The following SLC44A5 variants were observed in gnomAD, a reference collection of about 807,000 sequenced individuals.
SLC44A5 encodes choline transporter-like protein 5.
In SLC44A5, 57 loss-of-function variants were observed where a neutral mutation model predicts 101.8. The observed-to-expected ratio is 0.56, with a 90% CI of 0.45 to 0.70. The LOEUF (loss-of-function observed/expected upper bound fraction) is 0.70. Among genes scored for constraint, SLC44A5 ranks in the 30% least tolerant of loss-of-function variants. The pLI, the probability that SLC44A5 is intolerant of heterozygous loss-of-function variation, is 0.00. For missense variants in SLC44A5, 737 were observed against 853.1 expected, an observed-to-expected ratio of 0.86 and a Z score of 1.70; for synonymous variants, 281 against 290.9, an observed-to-expected ratio of 0.97 and a Z score of 0.35.
intron 5 of SLC44A5, among the ~76,000 whole-genome samples, chr1:75,276,618 G>GA (rs1651943909): frequency 6.6e-6 from 1 of 152,120 alleles, no homozygotes; most frequent in Non-Finnish European, 1.5e-5. Flanking sequence ...GAATATAAAA[G>GA]AAGATAATGA....
At chr1:75,619,176 G>T in the SLC44A5 span, among the ~76,000 whole-genome samples, 1 of 150,046 alleles carries the variant, frequency 6.7e-6, no homozygotes, top group Non-Finnish European at 1.5e-5. Context: ...GAGACAGGGA[G>T]GATGGAAGGA....
chr1:75,253,909 T>A (rs932538883), intron 6 of SLC44A5, among the ~76,000 whole-genome samples: 2 of 152,156 alleles, frequency 1.3e-5, no homozygotes, highest in African/African-American at 4.8e-5. Flanking sequence ...ATGAGACCAA[T>A]TCCATAATGT....
intron 1 of SLC44A5, among the ~76,000 whole-genome samples, chr1:75,597,848 T>A (rs1310394820): frequency 6.6e-6 from 1 of 152,010 alleles, no homozygotes; most frequent in Non-Finnish European, 1.5e-5. Context: ...AGAAAGACAA[T>A]GAGGGCATTA....
At chr1:75,452,684 C>A (rs1665970702) in intron 2 of SLC44A5, among the ~76,000 whole-genome samples, 2 of 152,038 alleles carry the variant, frequency 1.3e-5, no homozygotes, top group African/African-American at 4.8e-5. Flanking sequence ...CCCATAGGCT[C>A]TAAGTAAAGG....
At chr1:75,496,641 T>A (rs1570450477) in intron 2 of SLC44A5, among the ~76,000 whole-genome samples, 1 of 147,156 alleles carries the variant, frequency 6.8e-6, no homozygotes, top group Non-Finnish European at 1.5e-5. Flanking sequence ...TGGGACTACA[T>A]CATGCTAAAA....
chr1:75,302,176 A>G (rs1303013379), intron 4 of SLC44A5, among the ~76,000 whole-genome samples: 1 of 111,940 alleles, frequency 8.9e-6, no homozygotes, highest in Non-Finnish European at 1.6e-5. Flanking sequence ...CTTGGGTGTG[A>G]GCAGGGTATC....
chr1:75,289,462 G>A (rs886943430), intron 5 of SLC44A5, among the ~76,000 whole-genome samples: 8 of 152,100 alleles, frequency 5.3e-5, no homozygotes, highest in Non-Finnish European at 1.5e-5. Flanking sequence ...GGTACTATTT[G>A]GTCCATCAAG....
At chr1:75,496,331 G>T (rs1315449179) in intron 2 of SLC44A5, among the ~76,000 whole-genome samples, 1 of 151,976 alleles carries the variant, frequency 6.6e-6, no homozygotes, top group African/African-American at 2.4e-5. Context: ...AATTGACAAG[G>T]GTACCAAGAA....
rs867845339 is a variant in SLC44A5 at position 75,323,303 on chromosome 1, G to A, written c.101+16279C>T. Among the ~76,000 whole-genome samples, 191 of 151,960 alleles carry A rather than the reference G, an allele frequency of 1.3e-3. No individual in the cohort carries two copies. The Middle Eastern group carries it at 0.037, about 30-fold the overall frequency. On this transcript the variant is annotated intron_variant, in intron 4 of 23. Coordinates refer to ENST00000370859, the MANE Select transcript of SLC44A5 (RefSeq NM_001130058.2). Reference sequence around the variant, plus strand: ...TTTTTATGGCTGCATAGTGTTCCATGGTGTATATGTGCCACATTTTCTTAA... The same window carrying A: ...TTTTTATGGCTGCATAGTGTTCCATAGTGTATATGTGCCACATTTTCTTAA...
chr1:75,562,682 T>G (rs564835979), intron 1 of SLC44A5, among the ~76,000 whole-genome samples: 1 of 151,634 alleles, frequency 6.6e-6, no homozygotes, highest in African/African-American at 2.4e-5. Context: ...GTGAGACGAC[T>G]CTGTCACAAA....
At chr1:75,451,358 T>A (rs1665898664) in intron 2 of SLC44A5, among the ~76,000 whole-genome samples, 1 of 152,152 alleles carries the variant, frequency 6.6e-6, no homozygotes, top group Non-Finnish European at 1.5e-5. Context: ...TATGGGCTTG[T>A]AGGTTGAACT....
chr1:75,295,074 A>T (rs1405799146), intron 5 of SLC44A5, among the ~76,000 whole-genome samples: 1 of 152,226 alleles, frequency 6.6e-6, no homozygotes, highest in Non-Finnish European at 1.5e-5. Flanking sequence ...ACGTGAGGTG[A>T]TATATCTGTT....
At chr1:75,537,332 G>A (rs940627767) in intron 2 of SLC44A5, among the ~76,000 whole-genome samples, 4 of 152,088 alleles carry the variant, frequency 2.6e-5, no homozygotes, top group Admixed American at 2.0e-4. Context: ...TCCCTCATCA[G>A]TTGAATAATA....
chr1:75,321,925 A>T (rs1656181187), intron 4 of SLC44A5, among the ~76,000 whole-genome samples: 1 of 152,188 alleles, frequency 6.6e-6, no homozygotes, highest in Admixed American at 6.5e-5. Flanking sequence ...GAATCCATTG[A>T]TGAACTTCCA....
chr1:75,205,569 C>T (rs1341924143), intron 23 of SLC44A5: 1 of 152,168 alleles, frequency 6.6e-6, no homozygotes, highest in Non-Finnish European at 1.5e-5. Context: ...TCCTCCTAAG[C>T]CCTGCAGAGA....
chr1:75,291,560 T>C (rs963284077), intron 5 of SLC44A5, among the ~76,000 whole-genome samples: 1 of 152,032 alleles, frequency 6.6e-6, no homozygotes, highest in Non-Finnish European at 1.5e-5. Flanking sequence ...AGGTCAGGGA[T>C]GATGTTTCTG....
chr1:75,642,651 T>C, the SLC44A5 span, among the ~76,000 whole-genome samples: 1 of 152,138 alleles, frequency 6.6e-6, no homozygotes, highest in Non-Finnish European at 1.5e-5. Context: ...TATAAAAGCT[T>C]GAGAGGCTTG....
intron 2 of SLC44A5, among the ~76,000 whole-genome samples, chr1:75,474,995 A>C (rs2101743673): frequency 6.6e-6 from 1 of 152,374 alleles, no homozygotes; most frequent in Non-Finnish European, 1.5e-5. Flanking sequence ...GAAATGCCAA[A>C]TGGCATAAAG....
chr1:75,385,958 C>T lies in SLC44A5; in HGVS notation c.52+10625G>A, dbSNP rs1470402773. ...TATAAACAGAACCAAAGACAAAAAC[C>T]ACATGATTATCTCAATAGATGCAGA... On this transcript the variant is annotated intron_variant, in intron 3 of 23. Coordinates refer to ENST00000370859, the MANE Select transcript of SLC44A5 (RefSeq NM_001130058.2). 2.6e-5 allele frequency among the ~76,000 whole-genome samples: 4 copies of T among 152,038 alleles called. No individual in the cohort carries two copies. In the East Asian group the frequency reaches 7.7e-4, roughly 29 times the overall value.
Sources: gnomAD v4.1 joint callset for allele counts (sites outside exome capture counted in the v4.1 genomes callset) on GRCh38, gnomAD v4.1.1 for gene constraint, MANE v1.5 for transcripts, NCBI Gene and HGNC (gene_info 2026-07-23, HGNC 2026-07-21) for gene names.